The following NCOA1 variants were observed in gnomAD, a reference collection of about 807,000 sequenced individuals.
The protein encoded by NCOA1 is nuclear receptor coactivator 1.
Under a neutral mutation model 150.9 loss-of-function variants are expected in NCOA1, and 35 were observed. That is an observed-to-expected ratio of 0.23 (90% confidence interval 0.18 to 0.31). The LOEUF is 0.31. NCOA1 is among the 10% of genes least tolerant of loss of function. The pLI is 1.00. For missense variants in NCOA1, 1,491 were observed against 1,749.3 expected (o/e 0.85, Z 2.63); for synonymous variants, 590 against 630.0 (o/e 0.94, Z 0.95).
intron 2 of NCOA1, among the ~76,000 whole-genome samples, chr2:24,571,012 T>C (rs1013412142): frequency 6.6e-6 from 1 of 152,202 alleles, no homozygotes; most frequent in Non-Finnish European, 1.5e-5. Context: ...TTGTTAATTT[T>C]TAGGTGAGAT....
At chr2:24,529,952 A>AT (rs908342272) in intron 1 of NCOA1, among the ~76,000 whole-genome samples, 2 of 152,170 alleles carry the variant, frequency 1.3e-5, no homozygotes, top group African/African-American at 4.8e-5. Flanking sequence ...GTGGTTTTCA[A>AT]TTTTTTTAAA....
At chr2:24,566,321 T>C (rs1666504025) in intron 2 of NCOA1, among the ~76,000 whole-genome samples, 2 of 151,826 alleles carry the variant, frequency 1.3e-5, no homozygotes, top group South Asian at 4.2e-4. Context: ...GGTCATCCCA[T>C]CCTCTCCTCA....
intron 1 of NCOA1, among the ~76,000 whole-genome samples, chr2:24,539,812 A>T (rs1416312775): frequency 6.6e-6 from 1 of 152,232 alleles, no homozygotes; most frequent in Non-Finnish European, 1.5e-5. Context: ...GTAAGAGGCT[A>T]GGAAGGGTCC....
At chr2:24,516,097 C>T (rs1161493343) in intron 1 of NCOA1, among the ~76,000 whole-genome samples, 1 of 151,642 alleles carries the variant, frequency 6.6e-6, no homozygotes, top group Non-Finnish European at 1.5e-5. Context: ...TAGACTGAGC[C>T]TTGCTCTGCA....
At chr2:24,603,863 C>T (rs1379290638) in intron 3 of NCOA1, among the ~76,000 whole-genome samples, 2 of 152,268 alleles carry the variant, frequency 1.3e-5, no homozygotes, top group African/African-American at 4.8e-5. Flanking sequence ...TATGATGAAG[C>T]CTTTCTAGAA....
rs1445330908 is a variant in NCOA1 at position 24,658,823 on chromosome 2, C to CA, written c.89+58dup. On this transcript the variant is annotated intron_variant, in intron 5 of 22. Coordinates refer to ENST00000348332, the MANE Select transcript of NCOA1 (RefSeq NM_003743.5). ...AGAGCTGCTTTATTACTTTCACTGCCACTTCAGAGCTTTTGTTTAATCTAC... is the reference window on the plus strand; with the variant it reads ...AGAGCTGCTTTATTACTTTCACTGCCAACTTCAGAGCTTTTGTTTAATCTAC... 8.2e-6 allele frequency: 12 copies of CA among 1,457,906 alleles called. No individual in the cohort carries two copies. The Admixed American group carries it at 2.1e-4, about 26-fold the overall frequency. The allele number at this position is 1,457,906 out of a possible 1,614,324, so 90.3% of individuals were successfully genotyped here. A position where few individuals can be genotyped will look rare whatever the true frequency, so the allele number is the denominator to read the frequency against.
intron 1 of NCOA1, among the ~76,000 whole-genome samples, chr2:24,547,132 C>G (rs978711121): frequency 6.6e-6 from 1 of 152,162 alleles, no homozygotes; most frequent in Non-Finnish European, 1.5e-5. Context: ...GCTATACCAT[C>G]TATTACAGTA....
chr2:24,733,994 G>C (rs931200954), intron 17 of NCOA1, among the ~76,000 whole-genome samples: 2 of 152,076 alleles, frequency 1.3e-5, no homozygotes, highest in Non-Finnish European at 2.9e-5. Context: ...AGACCAGCCT[G>C]GCCAACATGG....
At chr2:24,511,870 G>A (rs1449860559) in intron 1 of NCOA1, among the ~76,000 whole-genome samples, 1 of 151,686 alleles carries the variant, frequency 6.6e-6, no homozygotes, top group East Asian at 1.9e-4. Flanking sequence ...TATATTTTTA[G>A]TTAATTTTTC....
intron 6 of NCOA1, among the ~76,000 whole-genome samples, chr2:24,669,229 C>T (rs11890063): frequency 1.3e-5 from 2 of 152,264 alleles, no homozygotes; most frequent in South Asian, 4.1e-4. Flanking sequence ...ACCCAAAATA[C>T]AATGGTTTTA....
chr2:24,562,181 G>A (rs1025541476), intron 1 of NCOA1, among the ~76,000 whole-genome samples: 3 of 152,160 alleles, frequency 2.0e-5, no homozygotes, highest in Non-Finnish European at 4.4e-5. Context: ...TGTATTAAGG[G>A]CCAGTGGTAA....
intron 1 of NCOA1, among the ~76,000 whole-genome samples, chr2:24,503,450 A>G (rs1663551523): frequency 1.3e-5 from 2 of 152,234 alleles, no homozygotes; most frequent in Admixed American, 1.3e-4. Context: ...TTTTCAACAC[A>G]GTCTTCACAA....
intron 1 of NCOA1, among the ~76,000 whole-genome samples, chr2:24,545,995 G>T (rs1377579404): frequency 6.6e-6 from 1 of 152,040 alleles, no homozygotes; most frequent in East Asian, 1.9e-4. Context: ...CACCATGTTG[G>T]CCAGGCTGGT....
intron 5 of NCOA1, among the ~76,000 whole-genome samples, chr2:24,660,985 C>T (rs534391850): frequency 3.3e-5 from 5 of 151,922 alleles, no homozygotes; most frequent in African/African-American, 1.2e-4. Flanking sequence ...CACTTGAACC[C>T]GGGAGGTGGA....
chr2:24,552,657 T>C (rs1665908312), intron 1 of NCOA1, among the ~76,000 whole-genome samples: 1 of 151,912 alleles, frequency 6.6e-6, no homozygotes, highest in Non-Finnish European at 1.5e-5. Flanking sequence ...GACCCACCGC[T>C]CCCGGCCTGT....
intron 19 of NCOA1, among the ~76,000 whole-genome samples, chr2:24,742,477 A>G (rs921356057): frequency 2.6e-5 from 4 of 151,124 alleles, no homozygotes; most frequent in African/African-American, 7.3e-5. Flanking sequence ...TTTTTGTTAG[A>G]TGCAGTCTCG....
intron 1 of NCOA1, among the ~76,000 whole-genome samples, chr2:24,529,832 A>T (rs1423489730): frequency 6.6e-6 from 1 of 152,220 alleles, no homozygotes; most frequent in Non-Finnish European, 1.5e-5. Context: ...CTAATTTTAT[A>T]AAAAAGCAGC....
chr2:24,730,710 C>A (rs1662956209), intron 17 of NCOA1, among the ~76,000 whole-genome samples: 1 of 151,940 alleles, frequency 6.6e-6, no homozygotes, highest in African/African-American at 2.4e-5. Flanking sequence ...TCATTAAGGA[C>A]CACAAGAGCA....
At chr2:24,747,327 C>CTTTTTTTTT (rs148901218) in intron 19 of NCOA1, among the ~76,000 whole-genome samples, 14 of 120,156 alleles carry the variant, frequency 1.2e-4, no homozygotes, top group Non-Finnish European at 1.6e-4. Context: ...TTATTTTTCT[C>CTTTTTTTTT]TTTTTTTTTT....
Sources: allele counts gnomAD v4.1 joint callset (sites outside exome capture counted in the v4.1 genomes callset), GRCh38; gene constraint gnomAD v4.1.1; transcripts MANE v1.5; gene names NCBI Gene and HGNC (gene_info 2026-07-23, HGNC 2026-07-21).